The following ARHGEF10 variants were observed in gnomAD, a reference collection of about 807,000 sequenced individuals.
ARHGEF10 encodes Rho guanine nucleotide exchange factor 10.
Under a neutral mutation model 147.4 loss-of-function variants are expected in ARHGEF10, and 140 were observed. The ratio of observed to expected loss-of-function variants is 0.95; its 90% CI spans 0.83 to 1.09. The LOEUF (loss-of-function observed/expected upper bound fraction) is 1.09, where lower values mean the gene tolerates loss of function less well. Ranked by LOEUF, ARHGEF10 falls within the 50% of genes least tolerant of loss-of-function variation. ARHGEF10 has a pLI of 0.00. For missense variants in ARHGEF10, 2,222 were observed against 1,752.7 expected, an observed-to-expected ratio of 1.27 and a Z score of -4.78; for synonymous variants, 902 against 695.8, an observed-to-expected ratio of 1.30 and a Z score of -4.67.
intron 11 of ARHGEF10, among the ~76,000 whole-genome samples, chr8:1,888,575 G>C (rs1052352027): frequency 7.2e-6 from 1 of 139,512 alleles, no homozygotes; most frequent in Non-Finnish European, 1.5e-5. Context: ...ACACTGAGTG[G>C]GGTGTGAGGG....
intron 26 of ARHGEF10, among the ~76,000 whole-genome samples, chr8:1,938,530 G>A (rs1178527767): frequency 4.6e-5 from 7 of 152,200 alleles, no homozygotes; most frequent in African/African-American, 1.4e-4. Context: ...TAAAATAGGC[G>A]AGATATTAAA....
At chr8:1,885,438 T>G (rs1808573138) in intron 10 of ARHGEF10, among the ~76,000 whole-genome samples, 163 bp from the exon 11 acceptor site, 2 of 152,210 alleles carry the variant, frequency 1.3e-5, no homozygotes, top group Admixed American at 1.3e-4. Context: ...AATATTTTAT[T>G]GGATTTGTTA....
intron 6 of ARHGEF10, among the ~76,000 whole-genome samples, 189 bp downstream of exon 6, chr8:1,866,791 C>T (rs890759284): frequency 6.6e-6 from 1 of 152,216 alleles, no homozygotes; most frequent in Non-Finnish European, 1.5e-5. Context: ...TGTCACTTCC[C>T]GTGAGGCCAC....
intron 17 of ARHGEF10, 140 bp from the exon 18 acceptor site, chr8:1,909,155 G>A: frequency 8.1e-7 from 1 of 1,233,890 alleles, no homozygotes; most frequent in Non-Finnish European, 1.2e-6. Flanking sequence ...AAAGTCAGAA[G>A]CACAATTACT....
At position 1,956,954 on chromosome 8, in the gene ARHGEF10, G is replaced by T. The variant is rs977475886; in HGVS notation, c.3726G>T (p.Trp1242Cys). 6.2e-7 allele frequency: 1 copy of T among 1,614,184 alleles called. No homozygotes were observed. Among genetic ancestry groups the T allele is most frequent in the Middle Eastern group, 1.6e-4 (1 of 6,062 alleles). The change falls in exon 29 of 29, where the codon TGG becomes TGT. Residue 1242 changes from tryptophan (W) to cysteine (C), a missense_variant. Coordinates refer to ENST00000349830, the MANE Select transcript of ARHGEF10 (RefSeq NM_014629.4). ...AGGGTGACCCTGACGCAGCCATCTG[G>T]TTGGGAGATTCGCTGGGATCGATGA... ...LSQGDPDAAI[W>C]LGDSLGSMTQ...
At chr8:1,877,090 C>T (rs1212242544) in intron 8 of ARHGEF10, among the ~76,000 whole-genome samples, 2 of 152,208 alleles carry the variant, frequency 1.3e-5, no homozygotes, top group Non-Finnish European at 2.9e-5. Flanking sequence ...GATCGGGGTT[C>T]CCTAAGACAC....
intron 5 of ARHGEF10, among the ~76,000 whole-genome samples, chr8:1,865,226 C>G (rs1427120515): frequency 1.3e-5 from 2 of 152,218 alleles, no homozygotes; most frequent in Non-Finnish European, 2.9e-5. Context: ...GGGCTGCATC[C>G]TAATTTCACA....
chr8:1,880,858 G>A (rs1808129174), intron 9 of ARHGEF10, among the ~76,000 whole-genome samples: 1 of 152,228 alleles, frequency 6.6e-6, no homozygotes, highest in Non-Finnish European at 1.5e-5. Flanking sequence ...ACTCCACACA[G>A]CTTCTGGAGC....
At chr8:1,827,564 C>T (rs983634734) in intron 1 of ARHGEF10, among the ~76,000 whole-genome samples, 10 of 152,196 alleles carry the variant, frequency 6.6e-5, no homozygotes, top group Non-Finnish European at 1.3e-4. Context: ...CCTCAGCCTC[C>T]CAAAGCGCTG....
chr8:1,850,947 A>C (rs1468634396), intron 2 of ARHGEF10, among the ~76,000 whole-genome samples: 1 of 152,130 alleles, frequency 6.6e-6, no homozygotes, highest in Non-Finnish European at 1.5e-5. Context: ...GCCAACCTGA[A>C]AAGGCTGCGC....
In ARHGEF10 at chr8:1,894,412, C is replaced by G; in HGVS notation, c.1280C>G (p.Ser427Cys). ...TCTTAGCAATATGAGAAGCCGCTGT[C>G]TGAGATGGAGCCAAAGGTTCTGAGT... The part of the protein sequence containing the change: ...RILEQYEKPL[S>C]EMEPKVLSER... Residue 427 changes from serine to cysteine, a missense_variant, in exon 13 of 29, where the codon TCT becomes TGT. Ser to Cys is a moderately radical substitution (Grantham distance 112, BLOSUM62 -1). Transcript: ENST00000349830. 1.2e-6 allele frequency: 2 copies of G among 1,614,162 alleles called. No individual in the cohort carries two copies. The highest frequency in any genetic ancestry group is 1.7e-6 in the Non-Finnish European group (2 of 1,180,034).
chr8:1,920,065 C>G (rs1030882148), intron 18 of ARHGEF10, among the ~76,000 whole-genome samples: 1 of 148,674 alleles, frequency 6.7e-6, no homozygotes, highest in Non-Finnish European at 1.5e-5. Context: ...GGTGATGGAG[C>G]TGTTCTGTGG....
Position 1,928,510 on chromosome 8 carries a change from C to T in ARHGEF10, c.2781C>T (p.Asn927=), listed in dbSNP as rs199838713. 7.6e-5 allele frequency: 122 copies of T among 1,614,144 alleles called. No homozygotes were observed. Among genetic ancestry groups the T allele is most frequent in the Non-Finnish European group, 9.5e-5 (112 of 1,180,014 alleles). ...NSTPKVIECF[N]VESRILCMLY... The stretch of plus-strand genomic sequence containing the variant: ...CTCCCAAAGTCATTGAGTGCTTCAA[C>T]GTGGAATCTCGCATCCTGTGCATGC... The change falls in exon 24 of 29, where the codon AAC becomes AAT. Residue 927 remains asparagine, a synonymous_variant. Transcript: ENST00000349830.
chr8:1,912,472 C>T (rs1257008233), intron 18 of ARHGEF10, among the ~76,000 whole-genome samples: 5 of 110,394 alleles, frequency 4.5e-5, no homozygotes, highest in Admixed American at 3.3e-4. Context: ...GAGTGTTTGC[C>T]GTGCAGTGTT....
In ARHGEF10 at chr8:1,832,376, ACAGAGGCAGAGGCAGAGACAGAGAGAGG is replaced by A. The variant is rs1233358405; in HGVS notation, c.-48+8275_-48+8302del. Among the ~76,000 whole-genome samples, 281 of 47,544 alleles carry A rather than the reference ACAGAGGCAGAGGCAGAGACAGAGAGAGG, an allele frequency of 5.9e-3. 2 individuals are homozygous for A. Among genetic ancestry groups the A allele is most frequent in the African/African-American group, 0.025 (275 of 11,220 alleles). The allele number at this position is 47,544 out of a possible 152,430, so 31.2% of individuals were successfully genotyped here. Reference sequence around the variant, plus strand: ...GAGACAGGCAGAGACAGAGACAGAGACAGAGGCAGAGGCAGAGACAGAGAGAGGCAGAGGCAGAGACAGAGAGAGACAG... The same window carrying A: ...GAGACAGGCAGAGACAGAGACAGAGACAGAGGCAGAGACAGAGAGAGACAG... On this transcript the variant is annotated intron_variant, in intron 1 of 28. Transcript: ENST00000349830.
At chr8:1,900,343 G>A (rs932771308) in intron 15 of ARHGEF10, among the ~76,000 whole-genome samples, 19 of 152,128 alleles carry the variant, frequency 1.2e-4, no homozygotes, top group Admixed American at 1.3e-4. Flanking sequence ...ACCTTCAGCC[G>A]TCCTGGGGAG....
At chr8:1,848,506 G>A (rs1234106568) in intron 2 of ARHGEF10, among the ~76,000 whole-genome samples, 2 of 152,174 alleles carry the variant, frequency 1.3e-5, no homozygotes, top group African/African-American at 2.4e-5. Flanking sequence ...AGCGATGGGT[G>A]TGTCGTGGTT....
intron 1 of ARHGEF10, among the ~76,000 whole-genome samples, chr8:1,824,439 G>C (rs961433957): frequency 6.6e-6 from 1 of 151,896 alleles, no homozygotes; most frequent in African/African-American, 2.4e-5. Context: ...GGCTTCGCCT[G>C]GGGGGTCGTG....
In ARHGEF10 at chr8:1,880,060, C is replaced by G; in HGVS notation, c.856C>G (p.Leu286Val). ...SNHKKQLSHD[L>V]TRLKEHYEKK... is the part of the protein sequence containing the mutation. ...CTTTATGCTGTAGCTTTCTCATGAC[C>G]TAACCCGTTTAAAGGAGCACTATGA... Residue 286 changes from leucine to valine, a missense_variant, in exon 9 of 29, where the codon CTA (leucine) becomes GTA (valine). By Grantham distance (32) the Leu-to-Val change is conservative. Coordinates refer to ENST00000349830, the MANE Select transcript of ARHGEF10 (RefSeq NM_014629.4). The G allele has an allele frequency of 1.2e-6, 2 of 1,612,612 alleles. No individual in the cohort carries two copies. The highest frequency in any genetic ancestry group is 2.2e-5 in the East Asian group (1 of 44,864).
Sources: allele counts gnomAD v4.1 joint callset (sites outside exome capture counted in the v4.1 genomes callset), GRCh38; gene constraint gnomAD v4.1.1; transcripts MANE v1.5; gene names NCBI Gene and HGNC (gene_info 2026-07-23, HGNC 2026-07-21).